The following ATP13A4 variants were observed in gnomAD, a reference collection of about 807,000 sequenced individuals.
ATP13A4 encodes the protein ATPase 13A4, also known as probable cation-transporting ATPase 13A4.
Under a neutral mutation model 142.5 loss-of-function variants are expected in ATP13A4, and 114 were observed. That is an observed-to-expected ratio of 0.80 (90% CI 0.69 to 0.93). The LOEUF (loss-of-function observed/expected upper bound fraction) is 0.93, where lower values mean the gene tolerates loss of function less well. ATP13A4 is among the 40% of genes least tolerant of loss of function. The pLI is 0.00. For missense variants in ATP13A4, 1,392 were observed against 1,454.0 expected (o/e 0.96, Z 0.69); for synonymous variants, 488 against 514.8 (o/e 0.95, Z 0.70).
At chr3:193,461,795 A>C (rs1717960085) in intron 13 of ATP13A4, among the ~76,000 whole-genome samples, 1 of 152,148 alleles carries the variant, frequency 6.6e-6, no homozygotes, top group African/African-American at 2.4e-5. Flanking sequence ...ATTCCACGGG[A>C]GTTCGTAGTG....
At chr3:193,570,759 A>T (rs1209014918) in intron 2 of ATP13A4, among the ~76,000 whole-genome samples, 1 of 152,180 alleles carries the variant, frequency 6.6e-6, no homozygotes, top group East Asian at 1.9e-4. Flanking sequence ...CCTGTGTACC[A>T]GTTGTGTGGT....
At chr3:193,555,028 T>G, upstream of ATP13A4, 1 of 1,044,244 alleles carries the variant, frequency 9.6e-7, no homozygotes, top group African/African-American at 1.6e-5. Flanking sequence ...GGCTGCTCCC[T>G]GCTTATTGCA....
chr3:193,534,677 C>G (rs1413187528), intron 1 of ATP13A4, among the ~76,000 whole-genome samples: 1 of 152,028 alleles, frequency 6.6e-6, no homozygotes, highest in Non-Finnish European at 1.5e-5. Context: ...CCAATATGAA[C>G]TACAGAGATA....
chr3:193,464,826 T>C (rs1269062579), intron 12 of ATP13A4, 114 bp downstream of exon 12: 2 of 1,151,926 alleles, frequency 1.7e-6, no homozygotes, highest in Admixed American at 1.8e-5. Context: ...AGGGATAAAA[T>C]GAAGACAGGC....
chr3:193,580,869 T>G (rs1577089176), intron 2 of ATP13A4, among the ~76,000 whole-genome samples: 1 of 152,216 alleles, frequency 6.6e-6, no homozygotes, highest in East Asian at 1.9e-4. Context: ...ATGGGAAGGT[T>G]GAAATAGAGT....
chr3:193,439,206 A>C, intron 21 of ATP13A4, 141 bp from the exon 22 acceptor site: 1 of 855,216 alleles, frequency 1.2e-6, no homozygotes. Context: ...AGTTTGACTG[A>C]AAAAAGTGTG....
intron 27 of ATP13A4, 30 bp from the exon 28 acceptor site, chr3:193,411,100 T>C (rs771160175): frequency 3.0e-5 from 45 of 1,485,508 alleles, no homozygotes; most frequent in Non-Finnish European, 4.0e-5. Flanking sequence ...AGGTATTATT[T>C]TGAGAAATCA....
At chr3:193,529,363 T>C (rs999958530) in intron 1 of ATP13A4, among the ~76,000 whole-genome samples, 1 of 152,002 alleles carries the variant, frequency 6.6e-6, no homozygotes, top group Non-Finnish European at 1.5e-5. Flanking sequence ...AAGTTGTACA[T>C]AAATATTTTA....
chr3:193,442,217 C>T (rs1281138534), intron 19 of ATP13A4, among the ~76,000 whole-genome samples, 176 bp downstream of exon 19: 2 of 152,188 alleles, frequency 1.3e-5, no homozygotes, highest in African/African-American at 4.8e-5. Context: ...CACAGGAAAG[C>T]ACTATACCTT....
rs1717801830 is a variant in ATP13A4 at position 193,459,123 on chromosome 3, C to T, written c.1632G>A (p.Gln544=). 1.2e-6 allele frequency: 2 copies of T among 1,614,238 alleles called. No individual in the cohort carries two copies. The highest frequency in any genetic ancestry group is 1.7e-6 in the Non-Finnish European group (2 of 1,180,048). The change falls in exon 14 of 30, where the codon CAG becomes CAA. Residue 544 remains glutamine, a synonymous_variant. Coordinates refer to ENST00000342695, the MANE Select transcript of ATP13A4 (RefSeq NM_032279.4). ...ACATTTTGAGGTCCAGAGGGTCTCC[C>T]TGGATGGTCCCATCAAGAAGGATCA... ...HSLILLDGTI[Q]GDPLDLKMFE... is the part of the protein sequence containing the mutation.
intron 3 of ATP13A4, among the ~76,000 whole-genome samples, 168 bp from the exon 4 acceptor site, chr3:193,493,328 G>A (rs1378980933): frequency 6.6e-6 from 1 of 151,882 alleles, no homozygotes; most frequent in Non-Finnish European, 1.5e-5. Context: ...CCATACAAAT[G>A]GTATTCTTTA....
intron 29 of ATP13A4, among the ~76,000 whole-genome samples, chr3:193,404,819 C>G (rs1385710919): frequency 6.6e-6 from 1 of 152,078 alleles, no homozygotes; most frequent in African/African-American, 2.4e-5. Flanking sequence ...GACTAAAATA[C>G]AACTAGAAAA....
At chr3:193,448,536 A>C (rs1218295551) in intron 17 of ATP13A4, among the ~76,000 whole-genome samples, 1 of 152,144 alleles carries the variant, frequency 6.6e-6, no homozygotes, top group African/African-American at 2.4e-5. Context: ...GGGTTTCACC[A>C]TGTTGGCTAG....
intron 2 of ATP13A4, among the ~76,000 whole-genome samples, chr3:193,575,372 G>A (rs528837372): frequency 6.6e-6 from 1 of 152,260 alleles, no homozygotes; most frequent in African/African-American, 2.4e-5. Context: ...AGCCCATTAG[G>A]AGTAGAAGGT....
At chr3:193,562,776 C>T (rs1015039813) in intron 2 of ATP13A4, among the ~76,000 whole-genome samples, 4 of 152,134 alleles carry the variant, frequency 2.6e-5, no homozygotes, top group African/African-American at 9.7e-5. Flanking sequence ...GAGGCTGAGG[C>T]AGGAGGATCA....
At chr3:193,408,476 T>C (rs779570823) in intron 28 of ATP13A4, among the ~76,000 whole-genome samples, 4 of 152,228 alleles carry the variant, frequency 2.6e-5, no homozygotes, top group Non-Finnish European at 5.9e-5. Context: ...GAACAATTAA[T>C]GCTGTTATAT....
At chr3:193,423,889 C>A (rs1207415815) in intron 25 of ATP13A4, among the ~76,000 whole-genome samples, 1 of 149,388 alleles carries the variant, frequency 6.7e-6, no homozygotes, top group African/African-American at 2.5e-5. Flanking sequence ...GTCAAATTGT[C>A]CCTGTTTGGT....
chr3:193,526,038 T>C (rs1415840130), intron 1 of ATP13A4, among the ~76,000 whole-genome samples: 1 of 152,194 alleles, frequency 6.6e-6, no homozygotes. Context: ...TTTGGCATTA[T>C]AGTAACTTTC....
intron 16 of ATP13A4, among the ~76,000 whole-genome samples, chr3:193,455,549 G>A (rs1362258229): frequency 6.6e-6 from 1 of 152,194 alleles, no homozygotes; most frequent in Non-Finnish European, 1.5e-5. Flanking sequence ...TGCTGGTGAG[G>A]TTGTAGAGAG....
Sources: gnomAD v4.1 joint callset for allele counts (sites outside exome capture counted in the v4.1 genomes callset) on GRCh38, gnomAD v4.1.1 for gene constraint, MANE v1.5 for transcripts, NCBI Gene and HGNC (gene_info 2026-07-23, HGNC 2026-07-21) for gene names.